The following PDGFC variants were observed in gnomAD, a reference collection of about 807,000 sequenced individuals.
PDGFC encodes the protein platelet derived growth factor C, also known as platelet-derived growth factor C.
Under a neutral mutation model 35.5 loss-of-function variants are expected in PDGFC, and 12 were observed. The observed-to-expected ratio is 0.34, with a 90% CI of 0.22 to 0.55. The LOEUF (loss-of-function observed/expected upper bound fraction) is 0.55. Ranked by LOEUF, PDGFC falls within the 20% of genes least tolerant of loss-of-function variation. The pLI is 0.91. For missense variants in PDGFC, 322 were observed against 412.4 expected (o/e 0.78, Z 1.90); for synonymous variants, 159 against 148.8 (o/e 1.07, Z -0.50).
At chr4:156,777,300 A>G (rs1382797985) in intron 3 of PDGFC, among the ~76,000 whole-genome samples, 1 of 152,224 alleles carries the variant, frequency 6.6e-6, no homozygotes, top group Non-Finnish European at 1.5e-5. Flanking sequence ...AAATGTTTAA[A>G]TGAATATAGA....
At chr4:156,788,651 C>T (rs1413272160) in intron 3 of PDGFC, among the ~76,000 whole-genome samples, 1 of 152,150 alleles carries the variant, frequency 6.6e-6, no homozygotes, top group Non-Finnish European at 1.5e-5. Context: ...GGACTTGAAA[C>T]ATTCAGTGTA....
At chr4:156,803,761 T>C (rs756234986) in intron 3 of PDGFC, among the ~76,000 whole-genome samples, 1 of 152,152 alleles carries the variant, frequency 6.6e-6, no homozygotes, top group Non-Finnish European at 1.5e-5. Context: ...AAAATGTATA[T>C]AGAAAATGAA....
intron 1 of PDGFC, among the ~76,000 whole-genome samples, chr4:156,865,212 A>ACACACACACG (rs1553970988): frequency 4.6e-5 from 7 of 151,714 alleles, no homozygotes; most frequent in African/African-American, 1.7e-4. Context: ...ACACACACAC[A>ACACACACACG]CGCAGATACA....
chr4:156,808,178 A>G (rs1731824933), intron 3 of PDGFC, among the ~76,000 whole-genome samples: 1 of 152,044 alleles, frequency 6.6e-6, no homozygotes, highest in African/African-American at 2.4e-5. Flanking sequence ...GGAAGGTAGT[A>G]TAGCTCCCTG....
intron 3 of PDGFC, among the ~76,000 whole-genome samples, chr4:156,774,650 T>TC: frequency 7.0e-6 from 1 of 141,988 alleles, no homozygotes; most frequent in Admixed American, 6.9e-5. Context: ...AATGATTTCA[T>TC]CCTTTTTTTT....
chr4:156,830,234 A>C (rs575091582), intron 2 of PDGFC, among the ~76,000 whole-genome samples: 1 of 151,976 alleles, frequency 6.6e-6, no homozygotes, highest in South Asian at 2.1e-4. Context: ...AGCTCTTTGA[A>C]GACAGGAATT....
chr4:156,922,093 A>G (rs1022476436), intron 1 of PDGFC, among the ~76,000 whole-genome samples: 1 of 152,124 alleles, frequency 6.6e-6, no homozygotes, highest in Non-Finnish European at 1.5e-5. Context: ...ATTTATAAAT[A>G]TATTGTAAGG....
chr4:156,812,205 A>G (rs1331009523), intron 2 of PDGFC, among the ~76,000 whole-genome samples: 1 of 152,042 alleles, frequency 6.6e-6, no homozygotes, highest in Non-Finnish European at 1.5e-5. Flanking sequence ...TTTTCATCCC[A>G]ACTAAAACAA....
chr4:156,888,236 T>C (rs900898392), intron 1 of PDGFC, among the ~76,000 whole-genome samples: 4 of 152,126 alleles, frequency 2.6e-5, no homozygotes, highest in African/African-American at 9.7e-5. Context: ...ATGTTTTCTT[T>C]ATGCACTTAT....
chr4:156,793,149 C>T (rs1731341911), intron 3 of PDGFC, among the ~76,000 whole-genome samples: 1 of 152,070 alleles, frequency 6.6e-6, no homozygotes, highest in South Asian at 2.1e-4. Flanking sequence ...GAAAAGCTAT[C>T]ATCAAGCACA....
chr4:156,872,827 G>A (rs1165317484), intron 1 of PDGFC, among the ~76,000 whole-genome samples: 1 of 152,126 alleles, frequency 6.6e-6, no homozygotes, highest in African/African-American at 2.4e-5. Context: ...CTTGTTAAAA[G>A]TTTTTACATT....
chr4:156,823,334 G>T (rs771550777), intron 2 of PDGFC, among the ~76,000 whole-genome samples: 2 of 152,128 alleles, frequency 1.3e-5, no homozygotes, highest in African/African-American at 2.4e-5. Context: ...TGTAAAATGG[G>T]GAAAATATTT....
intron 1 of PDGFC, among the ~76,000 whole-genome samples, chr4:156,853,107 C>T (rs1004851461): frequency 6.6e-6 from 1 of 152,200 alleles, no homozygotes; most frequent in African/African-American, 2.4e-5. Flanking sequence ...AAATTTCTTA[C>T]ATAATATTAG....
At chr4:156,776,213 C>T (rs1029763984) in intron 3 of PDGFC, among the ~76,000 whole-genome samples, 3 of 152,148 alleles carry the variant, frequency 2.0e-5, no homozygotes, top group African/African-American at 7.2e-5. Flanking sequence ...CATTTTCTCC[C>T]ATAATTAGTA....
chr4:156,875,438 G>A (rs1421436604), intron 1 of PDGFC, among the ~76,000 whole-genome samples: 2 of 152,122 alleles, frequency 1.3e-5, no homozygotes, highest in Non-Finnish European at 2.9e-5. Flanking sequence ...CACTCATGTG[G>A]AAGTTGAGCC....
At chr4:156,966,108 T>C (rs905284577) in intron 1 of PDGFC, among the ~76,000 whole-genome samples, 5 of 152,198 alleles carry the variant, frequency 3.3e-5, no homozygotes, top group African/African-American at 1.2e-4. Context: ...GCATACTAAA[T>C]GATTATCAAA....
At chr4:156,858,808 T>C (rs557246639) in intron 1 of PDGFC, among the ~76,000 whole-genome samples, 122 of 152,178 alleles carry the variant, frequency 8.0e-4, no homozygotes, top group African/African-American at 2.8e-3. Flanking sequence ...AACAAACAAC[T>C]TTAAGGAAAA....
chr4:156,811,548 C>T (rs1242614740), intron 2 of PDGFC, among the ~76,000 whole-genome samples: 1 of 152,042 alleles, frequency 6.6e-6, no homozygotes, highest in Non-Finnish European at 1.5e-5. Context: ...TGGGTGTTCT[C>T]AGCTCACTGT....
Position 156,959,958 on chromosome 4 carries a change from C to A in PDGFC, c.118+10828G>T, listed in dbSNP as rs7667854. On this transcript the variant is annotated intron_variant, in intron 1 of 5. Transcript: ENST00000502773. ...ATTTTTCACCGTGAAGCAAAAACTT[C>A]TTTAAAATAAGAATAGAGATGACTT... 4.7e-3 allele frequency among the ~76,000 whole-genome samples: 722 copies of A among 152,000 alleles called. 8 individuals carry two copies. The highest frequency in any genetic ancestry group is 0.016 in the African/African-American group (684 of 41,518).
Sources: gnomAD v4.1 joint callset for allele counts (sites outside exome capture counted in the v4.1 genomes callset) on GRCh38, gnomAD v4.1.1 for gene constraint, MANE v1.5 for transcripts, NCBI Gene and HGNC (gene_info 2026-07-23, HGNC 2026-07-21) for gene names.